Variants in HECW2 observed in about 807,000 individuals in gnomAD.
HECW2 encodes the protein E3 ubiquitin-protein ligase HECW2.
In HECW2, 61 loss-of-function variants were observed where a neutral mutation model predicts 175.2. That is an observed-to-expected ratio of 0.35 (90% CI 0.28 to 0.43). The LOEUF (loss-of-function observed/expected upper bound fraction) is 0.43, where lower values mean the gene tolerates loss of function less well. Among genes scored for constraint, HECW2 ranks in the 20% least tolerant of loss-of-function variants. The pLI, the probability that HECW2 is intolerant of heterozygous loss-of-function variation, is 1.00. For synonymous variants in HECW2, 671 were observed against 731.0 expected, an observed-to-expected ratio of 0.92 and a Z score of 1.32; for missense variants, 1,524 against 2,000.5, an observed-to-expected ratio of 0.76 and a Z score of 4.54.
At chr2:196,245,107 A>G (rs907521966) in intron 19 of HECW2, among the ~76,000 whole-genome samples, 1 of 152,234 alleles carries the variant, frequency 6.6e-6, no homozygotes, top group Non-Finnish European at 1.5e-5. Flanking sequence ...AACATCTACA[A>G]TGTGAAATAT....
At chr2:196,417,704 C>G (rs1695292659) in intron 2 of HECW2, among the ~76,000 whole-genome samples, 2 of 152,354 alleles carry the variant, frequency 1.3e-5, no homozygotes, top group East Asian at 1.9e-4. Flanking sequence ...TACATCGAGT[C>G]ATGTGCATAG....
At chr2:196,262,305 G>T (rs1387725065) in intron 17 of HECW2, among the ~76,000 whole-genome samples, 1 of 152,098 alleles carries the variant, frequency 6.6e-6, no homozygotes, top group Non-Finnish European at 1.5e-5. Flanking sequence ...AGGATTATAG[G>T]AGTGAGCTAC....
intron 1 of HECW2, among the ~76,000 whole-genome samples, chr2:196,585,130 C>T (rs866323518): frequency 6.6e-6 from 1 of 152,134 alleles, no homozygotes; most frequent in African/African-American, 2.4e-5. Context: ...CTGAGGTATA[C>T]CATACATACC....
At chr2:196,504,899 G>T (rs927006676) in intron 1 of HECW2, among the ~76,000 whole-genome samples, 1 of 151,634 alleles carries the variant, frequency 6.6e-6, no homozygotes, top group African/African-American at 2.4e-5. Flanking sequence ...AAAAAAAAAT[G>T]AGTGCAGAGA....
chr2:196,403,997 CT>C (rs1694890272), intron 2 of HECW2, among the ~76,000 whole-genome samples: 2 of 152,154 alleles, frequency 1.3e-5, no homozygotes, highest in South Asian at 4.1e-4. Context: ...TCACATTCAT[CT>C]GAGAAAAACA....
intron 1 of HECW2, among the ~76,000 whole-genome samples, chr2:196,503,805 T>A (rs187756044): frequency 6.6e-6 from 1 of 152,196 alleles, no homozygotes; most frequent in South Asian, 2.1e-4. Flanking sequence ...GTTTCAAAAA[T>A]AAGCCGCAGC....
At chr2:196,502,864 G>A (rs1687623232) in intron 1 of HECW2, among the ~76,000 whole-genome samples, 1 of 152,130 alleles carries the variant, frequency 6.6e-6, no homozygotes, top group Non-Finnish European at 1.5e-5. Context: ...TCTCATACTT[G>A]CAAAGAGTAC....
intron 26 of HECW2, chr2:196,217,689 C>T (rs1415802990): frequency 6.6e-6 from 1 of 152,118 alleles, no homozygotes; most frequent in African/African-American, 2.4e-5. Flanking sequence ...TAAATAAATC[C>T]TGAGTAATCA....
intron 1 of HECW2, among the ~76,000 whole-genome samples, chr2:196,460,757 T>C (rs963655213): frequency 1.3e-5 from 2 of 149,750 alleles, no homozygotes; most frequent in Admixed American, 1.3e-4. Context: ...ACTACAAGCA[T>C]GCATCACCAC....
At chr2:196,570,061 A>T (rs1690330453) in intron 1 of HECW2, among the ~76,000 whole-genome samples, 1 of 152,248 alleles carries the variant, frequency 6.6e-6, no homozygotes, top group Non-Finnish European at 1.5e-5. Context: ...CACAAGAGAT[A>T]TCCAAATGCA....
chr2:196,580,181 T>C (rs758130504), intron 1 of HECW2, among the ~76,000 whole-genome samples: 46 of 152,072 alleles, frequency 3.0e-4, no homozygotes, highest in Non-Finnish European at 5.6e-4. Context: ...GCAAAATACA[T>C]GGGCAAAAAC....
chr2:196,231,264 A>G (rs1199975859), intron 21 of HECW2, among the ~76,000 whole-genome samples: 3 of 152,162 alleles, frequency 2.0e-5, no homozygotes, highest in Non-Finnish European at 4.4e-5. Context: ...AGAGACGACT[A>G]AGGCCGAAAG....
intron 2 of HECW2, among the ~76,000 whole-genome samples, chr2:196,415,060 G>A (rs1695217515): frequency 6.6e-6 from 1 of 152,150 alleles, no homozygotes; most frequent in Admixed American, 6.5e-5. Context: ...TGTCCAAGCA[G>A]GACATGGGAA....
chr2:196,335,923 A>G (rs1692533783), intron 3 of HECW2, among the ~76,000 whole-genome samples: 2 of 152,210 alleles, frequency 1.3e-5, no homozygotes, highest in Admixed American at 6.5e-5. Context: ...TGAGATGCCA[A>G]TCACAGGCAT....
At chr2:196,287,527 T>C (rs1339046598) in intron 14 of HECW2, among the ~76,000 whole-genome samples, 1 of 152,198 alleles carries the variant, frequency 6.6e-6, no homozygotes, top group African/African-American at 2.4e-5. Context: ...GTATTTAACA[T>C]CTTAAAGGAA....
intron 10 of HECW2, among the ~76,000 whole-genome samples, chr2:196,312,358 A>G (rs934673625): frequency 1.3e-5 from 2 of 152,208 alleles, no homozygotes; most frequent in Non-Finnish European, 2.9e-5. Context: ...AACTATAATA[A>G]CCACAGGTAT....
chr2:196,520,585 T>G (rs576611862), intron 1 of HECW2, among the ~76,000 whole-genome samples: 61 of 152,354 alleles, frequency 4.0e-4, no homozygotes, highest in African/African-American at 1.5e-3. Flanking sequence ...AGTCTAAAAG[T>G]TGCTTTCACT....
rs192873447 is a variant in HECW2, at chr2:196,285,577, T to C, written c.3001-6915A>G. Among the ~76,000 whole-genome samples, 5 of 152,338 alleles carry C rather than the reference T, an allele frequency of 3.3e-5. No individual in the cohort carries two copies. In the East Asian group the frequency reaches 9.6e-4, roughly 29 times the overall value. On this transcript the variant is annotated intron_variant, in intron 14 of 28. Transcript: ENST00000644978. ...TCATTTTTTAAAGATTGTATTTACT[T>C]ACCCATTCTCTTCCTTCCAAATTAT...
intron 13 of HECW2, among the ~76,000 whole-genome samples, chr2:196,302,759 C>T (rs60514390): frequency 0.011 from 1,684 of 152,262 alleles, 38 homozygotes; most frequent in African/African-American, 0.038. Context: ...AATTTTTGCA[C>T]ACTGATTTTG....
Sources: gnomAD v4.1 joint callset for allele counts (sites outside exome capture counted in the v4.1 genomes callset) on GRCh38, gnomAD v4.1.1 for gene constraint, MANE v1.5 for transcripts, NCBI Gene and HGNC (gene_info 2026-07-23, HGNC 2026-07-21) for gene names.